The following ABLIM1 variants were observed in gnomAD, a reference collection of about 807,000 sequenced individuals.
ABLIM1 encodes actin-binding LIM protein 1.
Under a neutral mutation model 107.0 loss-of-function variants are expected in ABLIM1, and 40 were observed. That is an observed-to-expected ratio of 0.37 (90% CI 0.29 to 0.49). The LOEUF is 0.49. Among genes scored for constraint, ABLIM1 ranks in the 20% least tolerant of loss-of-function variants. The pLI, the probability that ABLIM1 is intolerant of heterozygous loss-of-function variation, is 0.97. For synonymous variants in ABLIM1, 357 were observed against 357.3 expected, an observed-to-expected ratio of 1.00 and a Z score of 0.01; for missense variants, 857 against 1,008.5, an observed-to-expected ratio of 0.85 and a Z score of 2.04.
chr10:114,753,112 A>G (rs75800091), intron 1 of ABLIM1, among the ~76,000 whole-genome samples: 6,835 of 152,304 alleles, frequency 0.045, 220 homozygotes, highest in African/African-American at 0.082. Flanking sequence ...AGGGGGAGTC[A>G]ATATTCTTTT....
At chr10:114,590,070 C>T (rs1482394346) in intron 2 of ABLIM1, among the ~76,000 whole-genome samples, 1 of 152,166 alleles carries the variant, frequency 6.6e-6, no homozygotes. Flanking sequence ...TGTTTAGATA[C>T]ACAAATACTT....
intron 1 of ABLIM1, among the ~76,000 whole-genome samples, chr10:114,654,841 A>C (rs1236212782): frequency 6.6e-6 from 1 of 152,220 alleles, no homozygotes; most frequent in Non-Finnish European, 1.5e-5. Flanking sequence ...AGATGCCCCA[A>C]GGAGCCCCAG....
intron 12 of ABLIM1, among the ~76,000 whole-genome samples, chr10:114,457,747 C>T (rs1010020011): frequency 6.6e-6 from 1 of 152,234 alleles, no homozygotes; most frequent in Non-Finnish European, 1.5e-5. Context: ...TTGTCATCAT[C>T]TATCAACCCT....
intron 1 of ABLIM1, among the ~76,000 whole-genome samples, chr10:114,752,538 TA>T (rs1427922068): frequency 6.6e-6 from 1 of 152,200 alleles, no homozygotes; most frequent in Non-Finnish European, 1.5e-5. Flanking sequence ...ACCCATCACC[TA>T]GGTGTTAAGC....
At chr10:114,673,477 T>G (rs919830570) in intron 1 of ABLIM1, among the ~76,000 whole-genome samples, 2 of 152,132 alleles carry the variant, frequency 1.3e-5, no homozygotes, top group African/African-American at 4.8e-5. Context: ...TCCTCCTCAT[T>G]CACTAAGCTG....
chr10:114,444,011 T>TG lies in ABLIM1; in HGVS notation c.1933+17dup, dbSNP rs769754159. On this transcript the variant is annotated intron_variant, in intron 17 of 22. Transcript: ENST00000533213. ...GGCTGGCTCTCGAATCAGGGAAGGT[T>TG]GGGGGTTTGCTGCTTACCTGAGTTG... The TG allele has an allele frequency of 1.9e-6, 3 of 1,589,948 alleles. No individual in the cohort carries two copies. The highest frequency in any genetic ancestry group is 2.2e-5 in the East Asian group (1 of 44,674).
intron 6 of ABLIM1, among the ~76,000 whole-genome samples, chr10:114,530,185 TA>T (rs2065300507): frequency 6.6e-6 from 1 of 152,208 alleles, no homozygotes; most frequent in Admixed American, 6.5e-5. Context: ...AATTTTCTGG[TA>T]TGTAATAAAG....
chr10:114,712,865 C>T (rs748320053), intron 1 of ABLIM1, among the ~76,000 whole-genome samples: 3 of 152,178 alleles, frequency 2.0e-5, no homozygotes, highest in Non-Finnish European at 4.4e-5. Context: ...ATTGCCCCGA[C>T]TTAGAGCTCC....
At chr10:114,509,148 A>G (rs1289980569) in intron 6 of ABLIM1, among the ~76,000 whole-genome samples, 18 of 152,126 alleles carry the variant, frequency 1.2e-4, no homozygotes, top group Non-Finnish European at 2.1e-4. Flanking sequence ...TAAACCGCAC[A>G]CCCTGGAGCT....
chr10:114,639,265 T>C (rs893612686), intron 1 of ABLIM1, among the ~76,000 whole-genome samples: 5 of 152,204 alleles, frequency 3.3e-5, no homozygotes, highest in African/African-American at 1.2e-4. Flanking sequence ...CTCTAGTTCT[T>C]AGTACAGAGA....
At chr10:114,638,356 C>T (rs191253730) in intron 1 of ABLIM1, among the ~76,000 whole-genome samples, 19 of 152,262 alleles carry the variant, frequency 1.2e-4, no homozygotes, top group African/African-American at 4.3e-4. Context: ...CTTCATCAGG[C>T]AGTCATTTTA....
intron 1 of ABLIM1, among the ~76,000 whole-genome samples, chr10:114,727,139 C>A (rs562809267): frequency 2.6e-5 from 4 of 152,284 alleles, no homozygotes; most frequent in African/African-American, 9.6e-5. Flanking sequence ...AATCTCCCTG[C>A]CACCTTTTCT....
At chr10:114,504,653 G>A (rs1213101249) in intron 6 of ABLIM1, among the ~76,000 whole-genome samples, 1 of 152,090 alleles carries the variant, frequency 6.6e-6, no homozygotes, top group Non-Finnish European at 1.5e-5. Context: ...TTTTTGACGT[G>A]TTATAAGGGC....
At chr10:114,504,561 G>A (rs1270420864) in intron 6 of ABLIM1, among the ~76,000 whole-genome samples, 2 of 152,132 alleles carry the variant, frequency 1.3e-5, no homozygotes, top group African/African-American at 4.8e-5. Flanking sequence ...AAAATAGCAA[G>A]TCACTTTAAG....
At position 114,585,326 on chromosome 10, in the gene ABLIM1, C is replaced by G. The variant is rs191572859; in HGVS notation, c.380-9727G>C. Among the ~76,000 whole-genome samples the G allele has an allele frequency of 3.3e-5, 5 of 152,268 alleles. No homozygotes were observed. In the East Asian group the frequency reaches 9.6e-4, roughly 29 times the overall value. On this transcript the variant is annotated intron_variant, in intron 2 of 22. Transcript: ENST00000533213. ...ACAAGATACATAAAAGGTCATGTAT[C>G]TTTGCCTTTTATAAACTCCAGGCAC...
intron 8 of ABLIM1, among the ~76,000 whole-genome samples, chr10:114,480,928 T>C (rs2134348479): frequency 6.6e-6 from 1 of 152,326 alleles, no homozygotes; most frequent in East Asian, 1.9e-4. Context: ...GGCATTTAAT[T>C]ACAAATAAGT....
At chr10:114,603,054 CTCCTTAAGGAA>C (rs2076143651) in intron 1 of ABLIM1, among the ~76,000 whole-genome samples, 1 of 152,170 alleles carries the variant, frequency 6.6e-6, no homozygotes, top group African/African-American at 2.4e-5. Flanking sequence ...TAAAAACATA[CTCCTTAAGGAA>C]TGACATGAGC....
intron 1 of ABLIM1, among the ~76,000 whole-genome samples, chr10:114,699,200 C>T (rs537946595): frequency 6.2e-4 from 89 of 144,168 alleles, no homozygotes; most frequent in African/African-American, 2.4e-3. Context: ...ACTAAAGAGT[C>T]ATAAAATTTT....
chr10:114,727,880 GC>G (rs1375709456), intron 1 of ABLIM1, among the ~76,000 whole-genome samples: 1 of 152,092 alleles, frequency 6.6e-6, no homozygotes, highest in Non-Finnish European at 1.5e-5. Context: ...CCATGATCAT[GC>G]CACATTGCAC....
Sources: gnomAD v4.1 joint callset for allele counts (sites outside exome capture counted in the v4.1 genomes callset) on GRCh38, gnomAD v4.1.1 for gene constraint, MANE v1.5 for transcripts, NCBI Gene and HGNC (gene_info 2026-07-23, HGNC 2026-07-21) for gene names.